Variants in FAP observed in about 807,000 individuals in gnomAD.
The protein encoded by FAP is prolyl endopeptidase FAP.
FAP carries 110 observed loss-of-function variants against 126.5 expected under a neutral mutation model. That is an observed-to-expected ratio of 0.87 (90% CI 0.74 to 1.02). The LOEUF is 1.02. Ranked by LOEUF, FAP falls within the 50% of genes least tolerant of loss-of-function variation. FAP has a pLI of 0.00. For missense variants in FAP, 919 were observed against 909.2 expected (o/e 1.01, Z -0.14); for synonymous variants, 334 against 297.3 (o/e 1.12, Z -1.27).
At chr2:162,181,731 G>A (rs763792377) in intron 21 of FAP, among the ~76,000 whole-genome samples, 3 of 152,166 alleles carry the variant, frequency 2.0e-5, no homozygotes, top group African/African-American at 4.8e-5. Context: ...CCCCACAAGA[G>A]GGCCAGGACT....
At chr2:162,212,072 C>T (rs961365875) in intron 11 of FAP, among the ~76,000 whole-genome samples, 1 of 152,136 alleles carries the variant, frequency 6.6e-6, no homozygotes, top group Non-Finnish European at 1.5e-5. Context: ...TAAATTTAAG[C>T]ACTGTTTTCT....
chr2:162,174,724 T>C (rs931057712), intron 22 of FAP, 143 bp downstream of exon 22: 2 of 559,388 alleles, frequency 3.6e-6, no homozygotes, highest in South Asian at 2.1e-5. Flanking sequence ...ATAAATGATA[T>C]AAACAACTTT....
intron 3 of FAP, among the ~76,000 whole-genome samples, chr2:162,226,020 C>T (rs1689631941): frequency 1.3e-5 from 2 of 152,082 alleles, no homozygotes; most frequent in South Asian, 4.1e-4. Context: ...AGATACTCAA[C>T]TAAAATGTCA....
At chr2:162,214,188 A>G (rs1355488378) in intron 10 of FAP, 115 bp from the exon 11 acceptor site, 1 of 825,382 alleles carries the variant, frequency 1.2e-6, no homozygotes, top group African/African-American at 1.7e-5. Flanking sequence ...TACTTATTTA[A>G]TAGGTAAGCA....
At chr2:162,214,193 T>A in intron 10 of FAP, 120 bp from the exon 11 acceptor site, 1 of 768,022 alleles carries the variant, frequency 1.3e-6, no homozygotes, top group Non-Finnish European at 1.9e-6. Context: ...ATTTAATAGG[T>A]AAGCAAGACA....
intron 14 of FAP, among the ~76,000 whole-genome samples, chr2:162,201,294 C>T (rs1688490560): frequency 2.0e-5 from 3 of 152,112 alleles, no homozygotes; most frequent in African/African-American, 7.2e-5. Flanking sequence ...TGGTTGAATT[C>T]TTAGGACAAT....
intron 16 of FAP, among the ~76,000 whole-genome samples, chr2:162,195,868 C>G (rs780089463): frequency 2.6e-5 from 4 of 152,084 alleles, no homozygotes; most frequent in African/African-American, 4.8e-5. Context: ...CCCACCCCCC[C>G]CAGATAGGGT....
chr2:162,241,469 C>T (rs3788966), intron 2 of FAP, among the ~76,000 whole-genome samples: 5,309 of 152,130 alleles, frequency 0.035, 457 homozygotes, highest in Admixed American at 0.21. Context: ...AGCTTGAATT[C>T]CATAGTGAAA....
In FAP at chr2:162,223,471, A is replaced by C. The variant is rs1576187195; in HGVS notation, c.413+137T>G. The C allele has an allele frequency of 1.3e-5, 8 of 625,040 alleles. No individual in the cohort carries two copies. In the East Asian group the frequency reaches 2.2e-4, roughly 17 times the overall value. The allele number at this position is 625,040 out of a possible 1,614,324, so 38.7% of individuals were successfully genotyped here. ...TGAATTTTGTAAGCTTTATGGGTAC[A>C]TACATACTGTATTACTAAAAAGTAA... On this transcript the variant is annotated intron_variant, in intron 6 of 25. Coordinates refer to ENST00000188790, the MANE Select transcript of FAP (RefSeq NM_004460.5).
At chr2:162,196,793 G>A (rs530145757) in intron 16 of FAP, among the ~76,000 whole-genome samples, 4 of 152,222 alleles carry the variant, frequency 2.6e-5, no homozygotes, top group South Asian at 4.1e-4. Flanking sequence ...CTATGATGGC[G>A]CAGTGACTCA....
intron 21 of FAP, among the ~76,000 whole-genome samples, chr2:162,181,460 A>G (rs1044499854): frequency 6.6e-6 from 1 of 152,160 alleles, no homozygotes. Context: ...TTGAAGTTTC[A>G]GGCATCCCTG....
At chr2:162,204,444 G>T (rs964461721) in intron 12 of FAP, among the ~76,000 whole-genome samples, 10 of 152,228 alleles carry the variant, frequency 6.6e-5, no homozygotes, top group Non-Finnish European at 1.5e-4. Flanking sequence ...AGAAAGTAAA[G>T]ATGTGTATTA....
intron 16 of FAP, among the ~76,000 whole-genome samples, chr2:162,197,063 C>T (rs894038324): frequency 1.6e-4 from 24 of 152,200 alleles, no homozygotes; most frequent in Admixed American, 5.9e-4. Context: ...CTTCCAAAAA[C>T]ATTAAAGCAT....
intron 2 of FAP, among the ~76,000 whole-genome samples, chr2:162,228,041 A>G (rs2106290321): frequency 6.6e-6 from 1 of 152,284 alleles, no homozygotes; most frequent in South Asian, 2.1e-4. Context: ...CCTCTGTATA[A>G]TCAAAACAGT....
intron 12 of FAP, among the ~76,000 whole-genome samples, chr2:162,206,065 A>G (rs1688686717): frequency 6.6e-6 from 1 of 152,234 alleles, no homozygotes; most frequent in Admixed American, 6.5e-5. Flanking sequence ...AATCAGGCAA[A>G]CAGGAAGAAT....
intron 16 of FAP, 46 bp from the exon 17 acceptor site, chr2:162,194,794 C>A (rs745494192): frequency 6.4e-7 from 1 of 1,569,682 alleles, no homozygotes; most frequent in Admixed American, 1.7e-5. Flanking sequence ...GTTAAAATAA[C>A]AATTCCTTTT....
intron 6 of FAP, among the ~76,000 whole-genome samples, chr2:162,223,293 A>C (rs1258613195): frequency 2.6e-5 from 4 of 152,164 alleles, no homozygotes; most frequent in African/African-American, 9.7e-5. Flanking sequence ...CTCATTTCCA[A>C]GAATGTTTTT....
intron 21 of FAP, among the ~76,000 whole-genome samples, chr2:162,179,838 T>C (rs1687634064): frequency 6.8e-6 from 1 of 147,168 alleles, no homozygotes; most frequent in Admixed American, 6.8e-5. Flanking sequence ...AGATGGAGTC[T>C]CGCTCTGTTG....
chr2:162,193,036 A>G (rs755834787), intron 17 of FAP, among the ~76,000 whole-genome samples: 20 of 152,150 alleles, frequency 1.3e-4, no homozygotes, highest in Non-Finnish European at 2.2e-4. Flanking sequence ...GGACAAGGAC[A>G]TCGTCTAACC....
Sources: gnomAD v4.1 joint callset for allele counts (sites outside exome capture counted in the v4.1 genomes callset) on GRCh38, gnomAD v4.1.1 for gene constraint, MANE v1.5 for transcripts, NCBI Gene and HGNC (gene_info 2026-07-23, HGNC 2026-07-21) for gene names.